Variants in ZNF236 observed in about 807,000 individuals in gnomAD.
ZNF236 encodes the protein regulated by glucose.
Under a neutral mutation model 191.2 loss-of-function variants are expected in ZNF236, and 50 were observed. That is an observed-to-expected ratio of 0.26 (90% CI 0.21 to 0.33). ZNF236 has a LOEUF of 0.33. ZNF236 is among the 10% of genes least tolerant of loss of function. The probability of loss-of-function intolerance (pLI) is 1.00; values close to 1 mark genes in which losing one functional copy is unlikely to be tolerated. For synonymous variants in ZNF236, 907 were observed against 928.8 expected, an observed-to-expected ratio of 0.98 and a Z score of 0.43; for missense variants, 1,754 against 2,374.5, an observed-to-expected ratio of 0.74 and a Z score of 5.43.
At chr18:76,859,995 G>T (rs1055260892) in intron 3 of ZNF236, among the ~76,000 whole-genome samples, 1 of 152,170 alleles carries the variant, frequency 6.6e-6, no homozygotes, top group African/African-American at 2.4e-5. Flanking sequence ...GTCTGGGCTG[G>T]GCGGGGGTAT....
chr18:76,899,469 G>A (rs1420534317), intron 11 of ZNF236, among the ~76,000 whole-genome samples: 1 of 152,236 alleles, frequency 6.6e-6, no homozygotes, highest in African/African-American at 2.4e-5. Context: ...TAATGTGTAA[G>A]TGAAAACAGT....
At position 76,947,547 on chromosome 18, in the gene ZNF236, G is replaced by A. The variant is rs755094724; in HGVS notation, c.4809G>A (p.Thr1603=). The change falls in exon 27 of 31, where the codon ACG becomes ACA. Residue 1603 remains threonine, a synonymous_variant. Coordinates refer to ENST00000320610, the MANE Select transcript of ZNF236 (RefSeq NM_001306089.2). The part of the protein sequence containing the change: ...SQGQQFPALL[T]DPSLSGQGGA... ...GTCAGCAGTTCCCAGCGCTCCTCAC[G>A]GATCCCTCTCTCTCGGGCCAGGGTG... 4.7e-5 allele frequency: 76 copies of A among 1,613,868 alleles called. No homozygotes were observed. Among genetic ancestry groups the A allele is most frequent in the Non-Finnish European group, 6.1e-5 (72 of 1,179,932 alleles).
intron 4 of ZNF236, among the ~76,000 whole-genome samples, chr18:76,870,479 C>G (rs895164904): frequency 6.6e-6 from 1 of 152,162 alleles, no homozygotes; most frequent in Admixed American, 6.5e-5. Context: ...CTAGGTCTTT[C>G]CAGACTGAGG....
At position 76,911,206 on chromosome 18, in the gene ZNF236, A is replaced by G. The variant is rs573469931; in HGVS notation, c.2805+395A>G. Among the ~76,000 whole-genome samples the G allele has an allele frequency of 1.5e-3, 225 of 152,332 alleles. 2 individuals are homozygous for G. The highest frequency in any genetic ancestry group is 5.0e-3 in the African/African-American group (206 of 41,578). On this transcript the variant is annotated intron_variant, in intron 16 of 30. Coordinates refer to ENST00000320610, the MANE Select transcript of ZNF236 (RefSeq NM_001306089.2). ...AATGCTGACGTTAAAAAATATTTAAATGCATCATTTAAAATTTTATCTCTT... is the reference window on the plus strand; with the variant it reads ...AATGCTGACGTTAAAAAATATTTAAGTGCATCATTTAAAATTTTATCTCTT...
At chr18:76,844,305 G>C (rs971134216) in intron 1 of ZNF236, among the ~76,000 whole-genome samples, 1 of 152,030 alleles carries the variant, frequency 6.6e-6, no homozygotes, top group African/African-American at 2.4e-5. Context: ...TAGCAATTTG[G>C]AGTGGCCTGA....
chr18:76,896,507 C>T (rs188811940), intron 10 of ZNF236, among the ~76,000 whole-genome samples: 2 of 152,048 alleles, frequency 1.3e-5, no homozygotes, highest in East Asian at 3.9e-4. Context: ...TGTACCCACA[C>T]AGGCACTGCC....
At position 76,960,726 on chromosome 18, in the gene ZNF236, A is replaced by G. The variant is rs760086916; in HGVS notation, c.5290A>G (p.Lys1764Glu). The G allele has an allele frequency of 1.2e-6, 2 of 1,614,030 alleles. No individual in the cohort carries two copies. Among genetic ancestry groups the G allele is most frequent in the African/African-American group, 2.7e-5 (2 of 74,908 alleles). The change falls in exon 30 of 31, where the codon AAG becomes GAG. Residue 1764 changes from lysine (K) to glutamate (E), a missense_variant. By Grantham distance (56) the Lys-to-Glu change is moderately conservative. Around this residue, in one of 5 missense-constraint regions of ZNF236, gnomAD observed 606 missense variants for 761.5 expected, o/e 0.80. Coordinates refer to ENST00000320610, the MANE Select transcript of ZNF236 (RefSeq NM_001306089.2). This position sits in a 1 kb window ranked among gnomAD's most constrained non-coding sequence, Gnocchi z 4.4. The stretch of plus-strand genomic sequence containing the variant: ...GCTTTGTGAGAAAGCCTTCAACCAG[A>G]AGAGTGCGCTGCAGGTGCACATGAA... ...CTLCEKAFNQ[K>E]SALQVHMKKH...
chr18:76,947,574 A>T lies in ZNF236; in HGVS notation c.4836A>T (p.Gly1612=). ...LTDPSLSGQG[G]AGSPQVILVS... is the part of the protein sequence containing the mutation. ...ATCCCTCTCTCTCGGGCCAGGGTGG[A>T]GCAGGCTCGCCGCAAGTCATACTAG... The change falls in exon 27 of 31, where the codon GGA becomes GGT. Residue 1612 remains glycine (G), a synonymous_variant. Transcript: ENST00000320610. 1.2e-6 allele frequency: 2 copies of T among 1,614,066 alleles called. No individual in the cohort carries two copies. Among genetic ancestry groups the T allele is most frequent in the African/African-American group, 1.3e-5 (1 of 75,002 alleles).
intron 1 of ZNF236, among the ~76,000 whole-genome samples, chr18:76,825,234 GT>G (rs1192746863): frequency 6.6e-6 from 1 of 152,226 alleles, no homozygotes; most frequent in Non-Finnish European, 1.5e-5. Context: ...CTGCTTAAAA[GT>G]TACCTTTCCC....
intron 30 of ZNF236, 24 bp from the exon 31 acceptor site, chr18:76,968,191 G>A: frequency 6.2e-7 from 1 of 1,613,628 alleles, no homozygotes; most frequent in Non-Finnish European, 8.5e-7. Context: ...GAGGCTGCTT[G>A]TGTTTTCTTT....
In ZNF236 at chr18:76,969,052, G is replaced by A. The variant is rs189121751; in HGVS notation, c.*713G>A. ...CACACGGGCTGGCGACACACTTACC[G>A]CATCAATCTGTGTTCAGGTCCAGGG... On this transcript the variant is annotated 3_prime_UTR_variant, in exon 31 of 31. Transcript: ENST00000320610. 34 of 858,314 alleles carry A rather than the reference G, an allele frequency of 4.0e-5. No individual in the cohort carries two copies. Among genetic ancestry groups the A allele is most frequent in the Admixed American group, 6.2e-5 (1 of 16,086 alleles). The allele number at this position is 858,314 out of a possible 1,614,324, so 53.2% of individuals were successfully genotyped here. A position where few individuals can be genotyped will look rare whatever the true frequency, so the allele number is the denominator to read the frequency against.
rs937922937 is a variant in ZNF236, at chr18:76,960,472, G to A, written c.5243-207G>A. Among the ~76,000 whole-genome samples the A allele has an allele frequency of 5.3e-5, 8 of 152,106 alleles. No homozygotes were observed. The highest frequency in any genetic ancestry group is 9.6e-5 in the African/African-American group (4 of 41,484). ...CCTTCCATGGCTCTCTGATCCCTCCGCCCCATCTGCTGGGGGTCGTTAGGA... is the reference window on the plus strand; with the variant it reads ...CCTTCCATGGCTCTCTGATCCCTCCACCCCATCTGCTGGGGGTCGTTAGGA... On this transcript the variant is annotated intron_variant, in intron 29 of 30. Coordinates refer to ENST00000320610, the MANE Select transcript of ZNF236 (RefSeq NM_001306089.2). The surrounding 1 kb of genome is among the most constrained non-coding windows in gnomAD (Gnocchi z 4.4).
chr18:76,916,619 A>G (rs192778819), intron 19 of ZNF236, among the ~76,000 whole-genome samples: 41 of 152,352 alleles, frequency 2.7e-4, no homozygotes, highest in African/African-American at 9.6e-4. Flanking sequence ...CCACGATGAA[A>G]TTATACAGTT....
intron 1 of ZNF236, among the ~76,000 whole-genome samples, chr18:76,832,409 A>T (rs1249370070): frequency 6.6e-6 from 1 of 151,328 alleles, no homozygotes; most frequent in Non-Finnish European, 1.5e-5. Flanking sequence ...TTGACACTTC[A>T]TCTGAATGTG....
chr18:76,901,593 A>G (rs1977595270), intron 11 of ZNF236, among the ~76,000 whole-genome samples: 1 of 152,094 alleles, frequency 6.6e-6, no homozygotes, highest in Non-Finnish European at 1.5e-5. Context: ...CCCCATCTCT[A>G]CTAGAAATAC....
In ZNF236 at chr18:76,960,886, G is replaced by T; in HGVS notation, c.5419+31G>T. The T allele has an allele frequency of 2.5e-6, 4 of 1,584,040 alleles. No individual in the cohort carries two copies. The highest frequency in any genetic ancestry group is 3.4e-6 in the Non-Finnish European group (4 of 1,162,876). On this transcript the variant is annotated intron_variant, in intron 30 of 30. Transcript: ENST00000320610. This position sits in a 1 kb window ranked among gnomAD's most constrained non-coding sequence, Gnocchi z 4.4. ...AATGCTGCACCCGGGAGTGCGTGCT[G>T]TTCGGTGGCCTGCGAGGCACCCTGT...
chr18:76,949,899 C>T (rs1484244180), intron 27 of ZNF236, among the ~76,000 whole-genome samples: 1 of 152,028 alleles, frequency 6.6e-6, no homozygotes, highest in South Asian at 2.1e-4. Context: ...CTCAAGTGAT[C>T]GCCCACCTCA....
chr18:76,893,685 A>T (rs1229525292), intron 9 of ZNF236, among the ~76,000 whole-genome samples: 1 of 151,832 alleles, frequency 6.6e-6, no homozygotes, highest in Non-Finnish European at 1.5e-5. Context: ...TTGTTTTAAA[A>T]TTTTTTCTCA....
At position 76,960,847 on chromosome 18, in the gene ZNF236, G is replaced by A; in HGVS notation, c.5411G>A (p.Ser1804Asn). The change falls in exon 30 of 31, where the codon AGC becomes AAC. Residue 1804 changes from serine to asparagine, a missense_variant. By Grantham distance (46) the Ser-to-Asn change is conservative (BLOSUM62 1). This residue lies in a region of ZNF236 where 606 missense variants were observed against 761.5 expected (regional missense o/e 0.80). Coordinates refer to ENST00000320610, the MANE Select transcript of ZNF236 (RefSeq NM_001306089.2). This position sits in a 1 kb window ranked among gnomAD's most constrained non-coding sequence, Gnocchi z 4.4. ...AAGCTGCACATGAAGCGGGCGCACAGCTATGCTGGTGAGAATGCTGCACCC... is the reference window on the plus strand; with the variant it reads ...AAGCTGCACATGAAGCGGGCGCACAACTATGCTGGTGAGAATGCTGCACCC... ...NMKLHMKRAH[S>N]YAGALQESAG... 3 of 1,612,150 alleles carry A rather than the reference G, an allele frequency of 1.9e-6. No individual in the cohort carries two copies. Among genetic ancestry groups the A allele is most frequent in the East Asian group, 2.2e-5 (1 of 44,828 alleles).
Sources: allele counts gnomAD v4.1 joint callset (sites outside exome capture counted in the v4.1 genomes callset), GRCh38; gene constraint gnomAD v4.1.1; regional missense constraint gnomAD v4.1.1; non-coding constraint Gnocchi (gnomAD v3.1); transcripts MANE v1.5; gene names NCBI Gene and HGNC (gene_info 2026-07-23, HGNC 2026-07-21).